The following STAU1 variants were observed in gnomAD, a reference collection of about 807,000 sequenced individuals.
The protein encoded by STAU1 is double-stranded RNA-binding protein Staufen homolog 1.
Under a neutral mutation model 62.9 loss-of-function variants are expected in STAU1, and 13 were observed. That is an observed-to-expected ratio of 0.21 (90% CI 0.13 to 0.33). The LOEUF is 0.33. Among genes scored for constraint, STAU1 ranks in the 10% least tolerant of loss-of-function variants. The pLI is 1.00. For missense variants in STAU1, 571 were observed against 712.1 expected (o/e 0.80, Z 2.25); for synonymous variants, 269 against 265.1 (o/e 1.01, Z -0.14).
chr20:49,182,833 C>A (rs1404866506), intron 1 of STAU1, among the ~76,000 whole-genome samples: 1 of 140,858 alleles, frequency 7.1e-6, no homozygotes. Flanking sequence ...AGCCAGACTC[C>A]GTCTCAAAAA....
intron 2 of STAU1, among the ~76,000 whole-genome samples, chr20:49,172,990 G>GC (rs11480925): frequency 0.34 from 50,453 of 149,980 alleles, 9,330 homozygotes; most frequent in Middle Eastern, 0.46. Flanking sequence ...CCATTCTCCC[G>GC]CCCCCCAACA....
chr20:49,145,649 G>A (rs1467688072), intron 5 of STAU1, among the ~76,000 whole-genome samples: 1 of 151,596 alleles, frequency 6.6e-6, no homozygotes, highest in Admixed American at 6.6e-5. Flanking sequence ...AGAATAGCTT[G>A]AATCAGGGAG....
chr20:49,215,619 T>A, the STAU1 span, among the ~76,000 whole-genome samples: 264 of 152,326 alleles, frequency 1.7e-3, 1 homozygote, highest in Middle Eastern at 0.01. Context: ...TAAACTCATC[T>A]TCAGTTGGTG....
At chr20:49,148,307 A>G (rs1176027428) in intron 5 of STAU1, among the ~76,000 whole-genome samples, 1 of 152,232 alleles carries the variant, frequency 6.6e-6, no homozygotes, top group African/African-American at 2.4e-5. Flanking sequence ...AGTTTATTCA[A>G]TACCCCCAAG....
intron 5 of STAU1, among the ~76,000 whole-genome samples, chr20:49,144,749 T>C (rs190684295): frequency 1.3e-5 from 2 of 152,278 alleles, no homozygotes; most frequent in African/African-American, 2.4e-5. Flanking sequence ...GGCAAGGCCA[T>C]AGGACAATAA....
intron 3 of STAU1, among the ~76,000 whole-genome samples, chr20:49,160,797 G>C (rs1228547484): frequency 2.0e-5 from 3 of 152,142 alleles, no homozygotes; most frequent in African/African-American, 7.2e-5. Flanking sequence ...CCAGGCAATT[G>C]CATCTTCAAA....
At chr20:49,159,068 T>C in intron 3 of STAU1, 3 of 1,264,870 alleles carry the variant, frequency 2.4e-6, no homozygotes, top group Non-Finnish European at 3.1e-6. Flanking sequence ...GAAGGTCAAA[T>C]GGCAGAAGCC....
chr20:49,123,374 A>G (rs1178341760), intron 7 of STAU1, 139 bp from the exon 8 acceptor site: 1 of 1,012,222 alleles, frequency 9.9e-7, no homozygotes, highest in Non-Finnish European at 1.5e-6. Context: ...TTAATTTAAC[A>G]TTTTAACAAT....
chr20:49,161,888 C>A (rs1471142030), intron 3 of STAU1, among the ~76,000 whole-genome samples: 1 of 152,152 alleles, frequency 6.6e-6, no homozygotes, highest in Non-Finnish European at 1.5e-5. Flanking sequence ...GCCAGGTAAT[C>A]TAGGAGAGGG....
chr20:49,128,340 T>A (rs2092677847), intron 6 of STAU1, among the ~76,000 whole-genome samples: 1 of 152,008 alleles, frequency 6.6e-6, no homozygotes, highest in African/African-American at 2.4e-5. Flanking sequence ...TCAAATAAAA[T>A]AAACTTGTTA....
chr20:49,182,035 T>A (rs1366851334), intron 1 of STAU1, among the ~76,000 whole-genome samples: 1 of 152,206 alleles, frequency 6.6e-6, no homozygotes, highest in Non-Finnish European at 1.5e-5. Context: ...GTTACAGATT[T>A]GATATTCAGA....
chr20:49,180,617 C>G (rs1162834550), intron 1 of STAU1, among the ~76,000 whole-genome samples: 2 of 152,190 alleles, frequency 1.3e-5, no homozygotes, highest in Non-Finnish European at 2.9e-5. Context: ...GGCCACCATG[C>G]CAGCAATTTT....
rs1343224917 is a variant in STAU1 at position 49,113,375 on chromosome 20, T to C, written c.*1503A>G. 1 of 152,606 alleles carries C rather than the reference T, an allele frequency of 6.6e-6. No individual in the cohort carries two copies. The highest frequency in any genetic ancestry group is 2.4e-5 in the African/African-American group (1 of 41,432). 9.5% of individuals were successfully genotyped at this position (152,606 alleles called of 1,614,324 possible). On this transcript the variant is annotated 3_prime_UTR_variant, in exon 14 of 14. Transcript: ENST00000371856. ...CTGTTTATTGATCAATGGTTTGATA[T>C]AAAGTTATTTCAGATCTTCAGACTT...
chr20:49,134,101 T>G (rs1302014920), intron 6 of STAU1, among the ~76,000 whole-genome samples: 1 of 152,176 alleles, frequency 6.6e-6, no homozygotes, highest in Non-Finnish European at 1.5e-5. Context: ...GAATCTGCTG[T>G]GGGTCAGACC....
chr20:49,120,000 T>G lies in STAU1; in HGVS notation c.1095A>C (p.Ala365=). Residue 365 remains alanine, a synonymous_variant, in exon 9 of 14, where the codon GCA becomes GCC. Coordinates refer to ENST00000371856, the MANE Select transcript of STAU1 (RefSeq NM_017453.4). ...KVPQAQPTKP[A]LKSEEKTPIK... Reference sequence around the variant, plus strand: ...CACTCACCTTCTCCTCTGACTTGAGTGCGGGTTTGGTGGGCTGCGCCTGCG... The same window carrying G: ...CACTCACCTTCTCCTCTGACTTGAGGGCGGGTTTGGTGGGCTGCGCCTGCG... 1 of 1,613,980 alleles carries G rather than the reference T, an allele frequency of 6.2e-7. No individual in the cohort carries two copies.
chr20:49,173,500 A>C (rs2093623335), intron 2 of STAU1, among the ~76,000 whole-genome samples: 1 of 152,224 alleles, frequency 6.6e-6, no homozygotes, highest in Non-Finnish European at 1.5e-5. Flanking sequence ...TGGTGAGTTT[A>C]AAACCATTCA....
chr20:49,202,692 A>T, the STAU1 span, among the ~76,000 whole-genome samples: 1 of 151,764 alleles, frequency 6.6e-6, no homozygotes, highest in Non-Finnish European at 1.5e-5. Context: ...GTTCAAGACC[A>T]GCTTCAACAA....
intron 1 of STAU1, among the ~76,000 whole-genome samples, chr20:49,187,274 G>A (rs1215572398): frequency 7.2e-5 from 11 of 152,166 alleles, no homozygotes; most frequent in Non-Finnish European, 1.5e-5. Context: ...ATATCCTGCA[G>A]TTGCCTAAGC....
intron 2 of STAU1, 86 bp from the exon 3 acceptor site, chr20:49,166,371 T>A: frequency 1.6e-6 from 1 of 609,076 alleles, no homozygotes; most frequent in East Asian, 2.8e-5. Context: ...TGGTGTCACC[T>A]ACTGACTTAT....
Sources: allele counts gnomAD v4.1 joint callset (sites outside exome capture counted in the v4.1 genomes callset), GRCh38; gene constraint gnomAD v4.1.1; transcripts MANE v1.5; gene names NCBI Gene and HGNC (gene_info 2026-07-23, HGNC 2026-07-21).